SYN3: variants seen among roughly 807,000 people sequenced by gnomAD.
SYN3 encodes the protein synapsin-3.
A neutral mutation model predicts 65.8 loss-of-function variants in SYN3; 35 were observed. The observed-to-expected ratio is 0.53, with a 90% confidence interval of 0.41 to 0.70. The LOEUF (loss-of-function observed/expected upper bound fraction) is 0.70, where lower values mean the gene tolerates loss of function less well. Ranked by LOEUF, SYN3 falls within the 30% of genes least tolerant of loss-of-function variation. The pLI, the probability that SYN3 is intolerant of heterozygous loss-of-function variation, is 0.00. For missense variants in SYN3, 680 were observed against 749.0 expected, an observed-to-expected ratio of 0.91 and a Z score of 1.08; for synonymous variants, 270 against 292.9, an observed-to-expected ratio of 0.92 and a Z score of 0.80.
intron 6 of SYN3, among the ~76,000 whole-genome samples, chr22:32,811,975 C>CA (rs1204156353): frequency 6.6e-6 from 1 of 152,172 alleles, no homozygotes; most frequent in Non-Finnish European, 1.5e-5. Flanking sequence ...TATCCACTGC[C>CA]AGGGCTAGGA....
At chr22:32,562,288 C>T (rs1445422750) in intron 7 of SYN3, among the ~76,000 whole-genome samples, 1 of 152,248 alleles carries the variant, frequency 6.6e-6, no homozygotes, top group African/African-American at 2.4e-5. Context: ...CCCTTTCCCA[C>T]CTTCATTGCA....
chr22:32,708,743 C>A (rs935505223), intron 6 of SYN3, among the ~76,000 whole-genome samples: 2 of 152,216 alleles, frequency 1.3e-5, no homozygotes, highest in African/African-American at 4.8e-5. Context: ...AAGAGGAAGG[C>A]ACCCAGGCCT....
chr22:32,746,673 C>T (rs2044942388), intron 6 of SYN3, among the ~76,000 whole-genome samples: 1 of 152,176 alleles, frequency 6.6e-6, no homozygotes. Context: ...GCTACCCTAA[C>T]ATGTGTTATG....
chr22:32,942,489 A>G (rs2050971106), intron 3 of SYN3, among the ~76,000 whole-genome samples: 1 of 152,216 alleles, frequency 6.6e-6, no homozygotes, highest in South Asian at 2.1e-4. Context: ...AACCACAAAG[A>G]TGGGGAAAAA....
At chr22:33,028,371 G>A (rs1292935920) in intron 1 of SYN3, among the ~76,000 whole-genome samples, 1 of 152,326 alleles carries the variant, frequency 6.6e-6, no homozygotes, top group East Asian at 1.9e-4. Flanking sequence ...ATGCTAATGC[G>A]CACCAGCTTC....
intron 6 of SYN3, among the ~76,000 whole-genome samples, chr22:32,777,389 T>C (rs1239555153): frequency 2.7e-5 from 2 of 73,604 alleles, no homozygotes; most frequent in Non-Finnish European, 5.3e-5. Flanking sequence ...GCTCCTTCTT[T>C]TTTTTTAATC....
At chr22:32,899,407 T>G (rs1377778533) in intron 4 of SYN3, among the ~76,000 whole-genome samples, 2 of 152,206 alleles carry the variant, frequency 1.3e-5, no homozygotes, top group Admixed American at 1.3e-4. Flanking sequence ...AATCCTTTTG[T>G]AAGCAGGAGT....
chr22:32,977,735 T>G (rs1366177383), intron 3 of SYN3, among the ~76,000 whole-genome samples: 1 of 138,158 alleles, frequency 7.2e-6, no homozygotes, highest in South Asian at 2.3e-4. Context: ...AGGGTGAGAC[T>G]GTCTCCAAAA....
chr22:32,975,651 T>C (rs1344275843), intron 3 of SYN3, among the ~76,000 whole-genome samples: 1 of 152,200 alleles, frequency 6.6e-6, no homozygotes, highest in Non-Finnish European at 1.5e-5. Flanking sequence ...CTCGACTTTA[T>C]ATTGTATTCC....
chr22:32,646,666 C>T (rs536620057), intron 6 of SYN3, among the ~76,000 whole-genome samples: 3 of 152,174 alleles, frequency 2.0e-5, no homozygotes, highest in Non-Finnish European at 4.4e-5. Context: ...TTTCCAGGCC[C>T]TGCAAACTAT....
chr22:32,639,833 C>T (rs1174900141), intron 6 of SYN3, among the ~76,000 whole-genome samples: 4 of 152,198 alleles, frequency 2.6e-5, no homozygotes, highest in Admixed American at 2.6e-4. Context: ...AGGTGTGAGC[C>T]ACCATGTCCC....
intron 1 of SYN3, among the ~76,000 whole-genome samples, chr22:33,025,969 A>T (rs945888783): frequency 1.3e-5 from 2 of 152,026 alleles, no homozygotes; most frequent in Admixed American, 6.6e-5. Flanking sequence ...GCCCTCTTGC[A>T]CCTCTGTCAC....
chr22:32,853,771 A>G (rs1034075408), intron 6 of SYN3, among the ~76,000 whole-genome samples: 19 of 152,200 alleles, frequency 1.2e-4, no homozygotes, highest in Admixed American at 2.6e-4. Flanking sequence ...CTTTTATTGA[A>G]TGTTGTGGGC....
chr22:32,591,367 TA>T (rs1224089636), intron 7 of SYN3, among the ~76,000 whole-genome samples: 1 of 152,192 alleles, frequency 6.6e-6, no homozygotes, highest in Non-Finnish European at 1.5e-5. Context: ...TACAAATTAA[TA>T]AAAGGACAAC....
At chr22:32,684,512 C>G (rs1199037970) in intron 6 of SYN3, among the ~76,000 whole-genome samples, 1 of 152,156 alleles carries the variant, frequency 6.6e-6, no homozygotes, top group Non-Finnish European at 1.5e-5. Context: ...CCACCATCAC[C>G]AAGCTCTTTT....
intron 6 of SYN3, among the ~76,000 whole-genome samples, chr22:32,798,967 A>G (rs2046496958): frequency 6.6e-6 from 1 of 151,996 alleles, no homozygotes; most frequent in South Asian, 2.1e-4. Flanking sequence ...CTGGGATTAC[A>G]GGCGTGAGCC....
At chr22:32,884,110 T>C (rs80689) in intron 4 of SYN3, among the ~76,000 whole-genome samples, 35,093 of 152,162 alleles carry the variant, frequency 0.23, 4,410 homozygotes, top group Middle Eastern at 0.32. Context: ...GCAGCTACCA[T>C]GTAAAACAAA....
chr22:32,962,980 G>T (rs1047052858), intron 3 of SYN3, among the ~76,000 whole-genome samples: 2 of 150,248 alleles, frequency 1.3e-5, no homozygotes, highest in Admixed American at 6.7e-5. Flanking sequence ...TATATATATA[G>T]ATTTGTATAT....
At chr22:32,904,020 C>T (rs2049834986) in intron 4 of SYN3, among the ~76,000 whole-genome samples, 1 of 152,194 alleles carries the variant, frequency 6.6e-6, no homozygotes, top group Non-Finnish European at 1.5e-5. Context: ...TGCCTCAGAG[C>T]ACCACAACAG....
Sources: gnomAD v4.1 joint callset for allele counts (sites outside exome capture counted in the v4.1 genomes callset) on GRCh38, gnomAD v4.1.1 for gene constraint, MANE v1.5 for transcripts, NCBI Gene and HGNC (gene_info 2026-07-23, HGNC 2026-07-21) for gene names.